Variants in EPS8 observed in about 807,000 individuals in gnomAD.
EPS8 encodes EGFR pathway substrate 8, signaling adaptor.
EPS8 carries 42 observed loss-of-function variants against 103.8 expected under a neutral mutation model. The ratio of observed to expected loss-of-function variants is 0.40; its 90% CI spans 0.32 to 0.52. The LOEUF is 0.52. EPS8 is among the 20% of genes least tolerant of loss of function. The pLI, the probability that EPS8 is intolerant of heterozygous loss-of-function variation, is 0.40. For missense variants in EPS8, 969 were observed against 1,005.1 expected, an observed-to-expected ratio of 0.96 and a Z score of 0.49; for synonymous variants, 344 against 344.6, an observed-to-expected ratio of 1.00 and a Z score of 0.02.
intron 17 of EPS8, among the ~76,000 whole-genome samples, chr12:15,639,078 T>C (rs1353839135): frequency 2.0e-5 from 3 of 152,226 alleles, no homozygotes; most frequent in Non-Finnish European, 4.4e-5. Flanking sequence ...ATTTGGATAA[T>C]TGTTTTCAAA....
chr12:15,628,109 A>C (rs1299274003), intron 18 of EPS8, among the ~76,000 whole-genome samples: 3 of 149,848 alleles, frequency 2.0e-5, no homozygotes, highest in African/African-American at 4.9e-5. Flanking sequence ...GGGAGGGAGG[A>C]GTAGGGGGTG....
Position 15,728,643 on chromosome 12 carries a change from A to G in EPS8, c.-21-45671T>C, listed in dbSNP as rs1463516420. On this transcript the variant is annotated intron_variant, in intron 1 of 20. Coordinates refer to ENST00000281172, the MANE Select transcript of EPS8 (RefSeq NM_004447.6). This position sits in a 1 kb window ranked among gnomAD's most constrained non-coding sequence, Gnocchi z 4.5. ...TACAAGGCCTAAAATCACAGATTTT[A>G]CTATTTACATTTCAGTGAAATATTT... Among the ~76,000 whole-genome samples, 2 of 152,254 alleles carry G rather than the reference A, an allele frequency of 1.3e-5. No homozygotes were observed. Among genetic ancestry groups the G allele is most frequent in the African/African-American group, 4.8e-5 (2 of 41,466 alleles).
At chr12:15,718,437 C>T (rs1946556830) in intron 1 of EPS8, among the ~76,000 whole-genome samples, 1 of 152,116 alleles carries the variant, frequency 6.6e-6, no homozygotes, top group Admixed American at 6.5e-5. Context: ...TATTGAATAA[C>T]AATATTTATA....
At chr12:15,742,342 C>T (rs987914361) in intron 1 of EPS8, among the ~76,000 whole-genome samples, 3 of 152,152 alleles carry the variant, frequency 2.0e-5, no homozygotes, top group Non-Finnish European at 2.9e-5. Flanking sequence ...AGTGTAAAAG[C>T]ATTCCTGTTT....
At chr12:15,639,798 A>G (rs1216109034) in intron 17 of EPS8, among the ~76,000 whole-genome samples, 2 of 152,158 alleles carry the variant, frequency 1.3e-5, no homozygotes, top group Non-Finnish European at 2.9e-5. Flanking sequence ...AAAATTAACT[A>G]TTTCACTGCA....
At chr12:15,775,752 CAATT>C (rs771646253) in intron 1 of EPS8, among the ~76,000 whole-genome samples, 1 of 152,088 alleles carries the variant, frequency 6.6e-6, no homozygotes, top group Non-Finnish European at 1.5e-5. Context: ...TCTATCTTGT[CAATT>C]AGAGTATTCT....
intron 3 of EPS8, among the ~76,000 whole-genome samples, chr12:15,672,045 G>A (rs1029398335): frequency 6.6e-6 from 1 of 152,094 alleles, no homozygotes; most frequent in African/African-American, 2.4e-5. Context: ...CAAACCTAAA[G>A]GCCTTTAAGC....
In EPS8 at chr12:15,729,865, C is replaced by T. The variant is rs146343550; in HGVS notation, c.-21-46893G>A. ...ACAGTTTATTTTGATATGTACAGTG[C>T]CTTCATTAATGTTTACATAGGTATG... On this transcript the variant is annotated intron_variant, in intron 1 of 20. Transcript: ENST00000281172. Among the ~76,000 whole-genome samples, 48 of 152,236 alleles carry T rather than the reference C, an allele frequency of 3.2e-4. 3 individuals carry two copies. The East Asian group carries it at 7.3e-3, about 23-fold the overall frequency.
chr12:15,644,843 C>G (rs1945294350), intron 15 of EPS8, among the ~76,000 whole-genome samples: 1 of 152,070 alleles, frequency 6.6e-6, no homozygotes, highest in South Asian at 2.1e-4. Context: ...TATTTTATAT[C>G]AGACCACAAT....
intron 2 of EPS8, 62 bp downstream of exon 2, chr12:15,682,831 A>G: frequency 1.1e-6 from 1 of 896,896 alleles, no homozygotes; most frequent in South Asian, 1.5e-5. Flanking sequence ...AAAATATAAA[A>G]CAATTAAAAT....
chr12:15,636,259 T>G (rs566748444), intron 17 of EPS8, among the ~76,000 whole-genome samples: 2 of 152,132 alleles, frequency 1.3e-5, no homozygotes, highest in South Asian at 4.2e-4. Flanking sequence ...TCTACAACAT[T>G]TTTATCAAGA....
chr12:15,641,850 A>C lies in EPS8; in HGVS notation c.1569-20T>G, dbSNP rs754684398. ...TAATTTCTATAAAAAGAAAGAAAAA[A>C]GATTATTATTCTGCTAGCTCTTCCT... On this transcript the variant is annotated intron_variant, in intron 15 of 20. Coordinates refer to ENST00000281172, the MANE Select transcript of EPS8 (RefSeq NM_004447.6). 3.7e-6 allele frequency: 5 copies of C among 1,343,210 alleles called. No homozygotes were observed. The Middle Eastern group carries it at 7.4e-4, about 199-fold the overall frequency. 83.2% of individuals were successfully genotyped at this position (1,343,210 alleles called of 1,614,324 possible). A position where few individuals can be genotyped will look rare whatever the true frequency, so the allele number is the denominator to read the frequency against.
chr12:15,640,275 T>C (rs1252475207), intron 17 of EPS8, among the ~76,000 whole-genome samples: 1 of 152,196 alleles, frequency 6.6e-6, no homozygotes, highest in Non-Finnish European at 1.5e-5. Context: ...GGCTGGTCAG[T>C]GGCAGAACAT....
In EPS8 at chr12:15,704,312, G is replaced by A; in HGVS notation, c.-21-21340C>T. Among the ~76,000 whole-genome samples, 1 of 152,226 alleles carries A rather than the reference G, an allele frequency of 6.6e-6. No individual in the cohort carries two copies. Among genetic ancestry groups the A allele is most frequent in the Non-Finnish European group, 1.5e-5 (1 of 68,014 alleles). On this transcript the variant is annotated intron_variant, in intron 1 of 20. Coordinates refer to ENST00000281172, the MANE Select transcript of EPS8 (RefSeq NM_004447.6). This position sits in a 1 kb window ranked among gnomAD's most constrained non-coding sequence, Gnocchi z 4.6. The stretch of plus-strand genomic sequence containing the variant: ...CAACATTATTCACGAGAGCCAAAAG[G>A]TAGATGCAACCCAAGTGTTGTCCAT...
chr12:15,736,290 G>T lies in EPS8; in HGVS notation c.-22+52871C>A, dbSNP rs1324109413. ...TTTATAACATGAGTCTAGCACCAAG[G>T]AAAATGGACTTTGGAGTAAAGGAGA... On this transcript the variant is annotated intron_variant, in intron 1 of 20. Transcript: ENST00000281172. This position sits in a 1 kb window ranked among gnomAD's most constrained non-coding sequence, Gnocchi z 4.2. Among the ~76,000 whole-genome samples, 1 of 152,114 alleles carries T rather than the reference G, an allele frequency of 6.6e-6. No individual in the cohort carries two copies.
At chr12:15,646,791 G>C (rs1945326465) in intron 15 of EPS8, among the ~76,000 whole-genome samples, 1 of 152,210 alleles carries the variant, frequency 6.6e-6, no homozygotes, top group Non-Finnish European at 1.5e-5. Context: ...AAAAGCTACA[G>C]AACTGGAAGG....
At chr12:15,741,011 C>A (rs1337921053) in intron 1 of EPS8, among the ~76,000 whole-genome samples, 1 of 152,076 alleles carries the variant, frequency 6.6e-6, no homozygotes, top group Non-Finnish European at 1.5e-5. Flanking sequence ...GTCCTAAAGT[C>A]CAAATTCCCA....
intron 1 of EPS8, among the ~76,000 whole-genome samples, chr12:15,722,891 A>G (rs1445737508): frequency 6.6e-6 from 1 of 152,086 alleles, no homozygotes; most frequent in Non-Finnish European, 1.5e-5. Flanking sequence ...ATCGAAGATT[A>G]GGTTTCAAAT....
chr12:15,700,881 C>A lies in EPS8; in HGVS notation c.-21-17909G>T, dbSNP rs1407727838. Among the ~76,000 whole-genome samples the A allele has an allele frequency of 6.6e-6, 1 of 152,048 alleles. No individual in the cohort carries two copies. Among genetic ancestry groups the A allele is most frequent in the African/African-American group, 2.4e-5 (1 of 41,384 alleles). On this transcript the variant is annotated intron_variant, in intron 1 of 20. Coordinates refer to ENST00000281172, the MANE Select transcript of EPS8 (RefSeq NM_004447.6). The surrounding 1 kb of genome is among the most constrained non-coding windows in gnomAD (Gnocchi z 5.1). ...AAATTGAAGTCTATCACAAAATAGA[C>A]AAAGGACATATATTTTCTAAACCCA...
Sources: allele counts gnomAD v4.1 joint callset (sites outside exome capture counted in the v4.1 genomes callset), GRCh38; gene constraint gnomAD v4.1.1; non-coding constraint Gnocchi (gnomAD v3.1); transcripts MANE v1.5; gene names NCBI Gene and HGNC (gene_info 2026-07-23, HGNC 2026-07-21).